Variants in ABCC11 observed in about 807,000 individuals in gnomAD.
The protein encoded by ABCC11 is ATP-binding cassette sub-family C member 11.
ABCC11 carries 135 observed loss-of-function variants against 149.3 expected under a neutral mutation model. That is an observed-to-expected ratio of 0.90 (90% CI 0.79 to 1.04). The LOEUF (loss-of-function observed/expected upper bound fraction) is 1.04, where lower values mean the gene tolerates loss of function less well. Among genes scored for constraint, ABCC11 ranks in the 50% least tolerant of loss-of-function variants. The pLI is 0.00. For synonymous variants in ABCC11, 665 were observed against 671.4 expected, an observed-to-expected ratio of 0.99 and a Z score of 0.15; for missense variants, 1,680 against 1,722.1, an observed-to-expected ratio of 0.98 and a Z score of 0.43.
At chr16:48,173,976 T>C (rs1276991854) in intron 26 of ABCC11, among the ~76,000 whole-genome samples, 1 of 152,130 alleles carries the variant, frequency 6.6e-6, no homozygotes, top group East Asian at 1.9e-4. Context: ...TTGTTCCTTC[T>C]CCTTGAAAAG....
chr16:48,240,671 A>G (rs1970921288), intron 1 of ABCC11, among the ~76,000 whole-genome samples: 2 of 152,072 alleles, frequency 1.3e-5, no homozygotes, highest in Admixed American at 6.5e-5. Flanking sequence ...CATGTACCCC[A>G]GAACTTAAAA....
At chr16:48,196,394 T>A in intron 17 of ABCC11, 73 bp from the exon 18 acceptor site, 8 of 1,426,294 alleles carry the variant, frequency 5.6e-6, no homozygotes, top group Non-Finnish European at 6.8e-6. Flanking sequence ...TGTCTCTGGC[T>A]TCGATCCTGT....
At chr16:48,218,911 C>A (rs1021473649) in intron 6 of ABCC11, among the ~76,000 whole-genome samples, 6 of 152,102 alleles carry the variant, frequency 3.9e-5, no homozygotes, top group Non-Finnish European at 8.8e-5. Flanking sequence ...TAAGGACGAT[C>A]TATGTGTGCT....
chr16:48,205,817 T>C (rs543460145), intron 12 of ABCC11, among the ~76,000 whole-genome samples: 9 of 151,540 alleles, frequency 5.9e-5, no homozygotes, highest in African/African-American at 2.2e-4. Context: ...TTCCTCTTTT[T>C]TTTTTTTTTT....
At chr16:48,226,455 T>G (rs1970081835) in intron 4 of ABCC11, among the ~76,000 whole-genome samples, 1 of 151,966 alleles carries the variant, frequency 6.6e-6, no homozygotes, top group Admixed American at 6.6e-5. Flanking sequence ...TTTTTTGTGT[T>G]TTTAGTAGAG....
intron 22 of ABCC11, among the ~76,000 whole-genome samples, chr16:48,186,493 C>A (rs748724759): frequency 6.6e-6 from 1 of 152,232 alleles, no homozygotes; most frequent in African/African-American, 2.4e-5. Flanking sequence ...ACCTCAACAA[C>A]AATCACAGGA....
At chr16:48,245,811 C>T (rs1356057732) in intron 1 of ABCC11, among the ~76,000 whole-genome samples, 2 of 151,888 alleles carry the variant, frequency 1.3e-5, no homozygotes, top group Admixed American at 6.6e-5. Context: ...TATATGTGGT[C>T]CACATTATAT....
At chr16:48,192,478 C>T in intron 20 of ABCC11, 42 bp downstream of exon 20, 1 of 1,598,772 alleles carries the variant, frequency 6.3e-7, no homozygotes, top group Non-Finnish European at 8.6e-7. Context: ...TGGGCAAGTT[C>T]AGAGCTCAGC....
chr16:48,224,190 A>C, intron 5 of ABCC11, 92 bp downstream of exon 5: 1 of 1,451,722 alleles, frequency 6.9e-7, no homozygotes, highest in South Asian at 1.3e-5. Flanking sequence ...ATGCATCTCT[A>C]ACTCCTGGCA....
At chr16:48,240,173 G>C (rs1374504378) in intron 1 of ABCC11, among the ~76,000 whole-genome samples, 3 of 152,122 alleles carry the variant, frequency 2.0e-5, no homozygotes, top group South Asian at 2.1e-4. Flanking sequence ...CCCATTACTG[G>C]GTACATACCC....
At position 48,175,283 on chromosome 16, in the gene ABCC11, G is replaced by T. The variant is rs757245403; in HGVS notation, c.3673C>A (p.Pro1225Thr). Residue 1225 changes from proline (P) to threonine (T), a missense_variant, in exon 26 of 30, where the codon CCA (proline) becomes ACA (threonine). By Grantham distance (38) the Pro-to-Thr change is conservative. Coordinates refer to ENST00000356608, the MANE Select transcript of ABCC11 (RefSeq NM_001370497.1). ...CTGATGGTTCCTGAGAGCAGCACTG[G>T]ATCTTGAGGGATCACTGAGAGCTTG... ...RSKLSVIPQD[P>T]VLLSGTIRFN... 15 of 1,613,924 alleles carry T rather than the reference G, an allele frequency of 9.3e-6. No homozygotes were observed. The highest frequency in any genetic ancestry group is 1.7e-5 in the Admixed American group (1 of 60,022).
rs1443944350 is a variant in ABCC11 at position 48,178,614 on chromosome 16, T to A, written c.3331A>T (p.Ile1111Leu). The change falls in exon 24 of 30, where the codon ATA (isoleucine) becomes TTA (leucine). Residue 1111 changes from isoleucine (I) to leucine (L), a missense_variant. By Grantham distance (5) the Ile-to-Leu change is conservative. Transcript: ENST00000356608. ...AACCCCACCTTCATGTACTGCAGTA[T>A]CCTCTCTACAGCCGTGAACTGTGCC... ...TEAQFTAVER[I>L]LQYMKMCVSE... The A allele has an allele frequency of 6.2e-7, 1 of 1,613,904 alleles. No individual in the cohort carries two copies. Among genetic ancestry groups the A allele is most frequent in the African/African-American group, 1.3e-5 (1 of 74,850 alleles).
At chr16:48,202,623 A>G (rs1470395404) in intron 14 of ABCC11, among the ~76,000 whole-genome samples, 1 of 152,058 alleles carries the variant, frequency 6.6e-6, no homozygotes. Flanking sequence ...CTTCAAAAAA[A>G]AAAAAAAGAA....
intron 1 of ABCC11, among the ~76,000 whole-genome samples, chr16:48,233,783 T>C (rs1370550438): frequency 6.6e-6 from 1 of 152,230 alleles, no homozygotes; most frequent in Non-Finnish European, 1.5e-5. Context: ...CGTTTATATC[T>C]GTAACAAACC....
intron 12 of ABCC11, among the ~76,000 whole-genome samples, chr16:48,205,781 T>G (rs1356146870): frequency 6.6e-6 from 1 of 151,466 alleles, no homozygotes; most frequent in Non-Finnish European, 1.5e-5. Flanking sequence ...ATCCAAGGTC[T>G]GCACTAAAGA....
intron 4 of ABCC11, among the ~76,000 whole-genome samples, chr16:48,225,020 C>T (rs998856801): frequency 6.7e-6 from 1 of 148,554 alleles, no homozygotes; most frequent in Non-Finnish European, 1.5e-5. Flanking sequence ...GAGACTCCAT[C>T]TCAAAAAATA....
chr16:48,187,533 G>T (rs1271480789), intron 20 of ABCC11, 106 bp from the exon 21 acceptor site: 2 of 919,460 alleles, frequency 2.2e-6, no homozygotes, highest in Non-Finnish European at 3.3e-6. Flanking sequence ...CGGATCCCAG[G>T]GGTCTCCAGG....
chr16:48,184,333 A>C, intron 23 of ABCC11, 107 bp downstream of exon 23: 2 of 1,347,600 alleles, frequency 1.5e-6, no homozygotes, highest in East Asian at 4.7e-5. Context: ...ACGTGGCCAG[A>C]GCCTAAGGTG....
chr16:48,174,595 C>T (rs1378574744), intron 26 of ABCC11, among the ~76,000 whole-genome samples: 1 of 152,098 alleles, frequency 6.6e-6, no homozygotes, highest in Non-Finnish European at 1.5e-5. Context: ...GTCTGCTTCA[C>T]TGACTGGGCT....
Sources: gnomAD v4.1 joint callset for allele counts (sites outside exome capture counted in the v4.1 genomes callset) on GRCh38, gnomAD v4.1.1 for gene constraint, MANE v1.5 for transcripts, NCBI Gene and HGNC (gene_info 2026-07-23, HGNC 2026-07-21) for gene names.